Variants in MTF1 observed in about 807,000 individuals in gnomAD.
MTF1 encodes the protein metal regulatory transcription factor 1, also known as MRE-binding transcription factor.
In MTF1, 22 loss-of-function variants were observed where a neutral mutation model predicts 70.4. The observed-to-expected ratio is 0.31, with a 90% CI of 0.22 to 0.45. The LOEUF (loss-of-function observed/expected upper bound fraction) is 0.45, where lower values mean the gene tolerates loss of function less well. MTF1 is among the 20% of genes least tolerant of loss of function. The pLI is 1.00. For missense variants in MTF1, 649 were observed against 922.0 expected, an observed-to-expected ratio of 0.70 and a Z score of 3.83; for synonymous variants, 333 against 352.8, an observed-to-expected ratio of 0.94 and a Z score of 0.63.
intron 2 of MTF1, 113 bp downstream of exon 2, chr1:37,857,138 A>G: frequency 1.9e-6 from 2 of 1,035,698 alleles, no homozygotes; most frequent in African/African-American, 3.2e-5. Flanking sequence ...TAGCAAAACT[A>G]CTTAAGTCCT....
chr1:37,834,831 T>C (rs1367528367), intron 6 of MTF1, among the ~76,000 whole-genome samples: 2 of 152,212 alleles, frequency 1.3e-5, no homozygotes, highest in Non-Finnish European at 2.9e-5. Context: ...GAGCCGCCAT[T>C]TACCAAGACG....
At chr1:37,839,657 T>C (rs754072459) in intron 3 of MTF1, among the ~76,000 whole-genome samples, 2 of 152,214 alleles carry the variant, frequency 1.3e-5, no homozygotes, top group Non-Finnish European at 2.9e-5. Flanking sequence ...CTCCATGAGA[T>C]GCAAATCTAA....
chr1:37,838,520 A>C, intron 4 of MTF1, 105 bp downstream of exon 4: 1 of 955,528 alleles, frequency 1.0e-6, no homozygotes, highest in Non-Finnish European at 1.5e-6. Flanking sequence ...TGCTAAATCA[A>C]GAGCTAGTAA....
At chr1:37,831,323 G>T (rs921445108) in intron 7 of MTF1, among the ~76,000 whole-genome samples, 10 of 152,296 alleles carry the variant, frequency 6.6e-5, no homozygotes, top group East Asian at 1.9e-4. Context: ...AGCAGGCTTG[G>T]GGGGAGGCCC....
Position 37,857,429 on chromosome 1 carries a change from C to T in MTF1, c.230G>A (p.Gly77Asp), listed in dbSNP as rs780341111. The T allele has an allele frequency of 8.7e-6, 14 of 1,614,076 alleles. No homozygotes were observed. Among genetic ancestry groups the T allele is most frequent in the Middle Eastern group, 3.3e-4 (2 of 6,084 alleles). Reference protein sequence around the residue: ...CGEHLPFLVGGEEGFHLIDHE... With the variant: ...CGEHLPFLVGDEEGFHLIDHE... Reference sequence around the variant, plus strand: ...ATCTATCAGGTGAAAGCCCTCTTCACCCCCTACTAGAAAAGGCAAGTGTTC... The same window carrying T: ...ATCTATCAGGTGAAAGCCCTCTTCATCCCCTACTAGAAAAGGCAAGTGTTC... Residue 77 changes from glycine (G) to aspartate (D), a missense_variant, in exon 2 of 11, where the codon GGT becomes GAT. By Grantham distance (94) the Gly-to-Asp change is moderately conservative. Transcript: ENST00000373036.
chr1:37,845,647 G>C (rs1265809236), intron 2 of MTF1, among the ~76,000 whole-genome samples: 1 of 152,104 alleles, frequency 6.6e-6, no homozygotes, highest in African/African-American at 2.4e-5. Flanking sequence ...TGGGACTATA[G>C]GTATGTACCA....
chr1:37,834,272 G>A (rs1641130048), intron 6 of MTF1, among the ~76,000 whole-genome samples: 2 of 152,008 alleles, frequency 1.3e-5, no homozygotes, highest in South Asian at 4.2e-4. Context: ...GAAGCAACCA[G>A]GCCAGAATGT....
At chr1:37,845,693 T>TG (rs1641321669) in intron 2 of MTF1, among the ~76,000 whole-genome samples, 2 of 152,086 alleles carry the variant, frequency 1.3e-5, no homozygotes, top group African/African-American at 4.8e-5. Context: ...TTTGTAGAGA[T>TG]GGGGTCTCAC....
Position 37,857,631 on chromosome 1 carries a change from T to C in MTF1, c.28A>G (p.Ile10Val). 6.2e-7 allele frequency: 1 copy of C among 1,613,968 alleles called. No individual in the cohort carries two copies. Among genetic ancestry groups the C allele is most frequent in the Non-Finnish European group, 8.5e-7 (1 of 1,180,006 alleles). Residue 10 changes from isoleucine to valine, a missense_variant, in exon 2 of 11, where the codon ATC becomes GTC. By Grantham distance (29) the Ile-to-Val change is conservative. Transcript: ENST00000373036. MGEHSPDNN[I>V]IYFEAEEDEL... ...TCTTCCTCTGCCTCAAAGTAGATGA[T>C]GTTGTTGTCTGGACTGTGTTCCCCC...
rs1239750561 is a variant in MTF1 at position 37,809,976 on chromosome 1, T to A, written c.*5160A>T. 6.6e-6 allele frequency: 1 copy of A among 152,556 alleles called. No homozygotes were observed. The highest frequency in any genetic ancestry group is 2.4e-5 in the African/African-American group (1 of 41,448). 9.5% of individuals were successfully genotyped at this position (152,556 alleles called of 1,614,324 possible). A position where few individuals can be genotyped will look rare whatever the true frequency, so the allele number is the denominator to read the frequency against. ...TCTTGCCTTTCCTGGCTAGAAGATCTGAGCCAGAAATTCAGCAAAAATCTG... is the reference window on the plus strand; with the variant it reads ...TCTTGCCTTTCCTGGCTAGAAGATCAGAGCCAGAAATTCAGCAAAAATCTG... On this transcript the variant is annotated 3_prime_UTR_variant, in exon 11 of 11. Transcript: ENST00000373036.
At chr1:37,842,365 T>C (rs995386757) in intron 2 of MTF1, among the ~76,000 whole-genome samples, 8 of 152,262 alleles carry the variant, frequency 5.3e-5, no homozygotes, top group Non-Finnish European at 1.2e-4. Flanking sequence ...TTTCCATCAA[T>C]GCCCATGTAT....
chr1:37,845,136 G>A (rs960052489), intron 2 of MTF1, among the ~76,000 whole-genome samples: 6 of 152,198 alleles, frequency 3.9e-5, no homozygotes, highest in Non-Finnish European at 7.3e-5. Flanking sequence ...GTGGAGAAGT[G>A]GCGCTTGATT....
At chr1:37,822,994 C>T (rs1011418715) in intron 8 of MTF1, among the ~76,000 whole-genome samples, 1 of 152,132 alleles carries the variant, frequency 6.6e-6, no homozygotes, top group Non-Finnish European at 1.5e-5. Flanking sequence ...ACTAAACATC[C>T]TTTTTTTGAC....
intron 7 of MTF1, among the ~76,000 whole-genome samples, chr1:37,828,634 T>C (rs1641040078): frequency 6.6e-6 from 1 of 152,176 alleles, no homozygotes; most frequent in Non-Finnish European, 1.5e-5. Flanking sequence ...GGGGTGCTGG[T>C]TACATGGGTG....
Position 37,814,792 on chromosome 1 carries a change from A to C in MTF1, c.*344T>G, listed in dbSNP as rs149640687. Reference sequence around the variant, plus strand: ...CCCAGTGCAAGCGATGGGCAGCATCAGATTGATGGAAACCACACCCTTTCA... The same window carrying C: ...CCCAGTGCAAGCGATGGGCAGCATCCGATTGATGGAAACCACACCCTTTCA... On this transcript the variant is annotated 3_prime_UTR_variant, in exon 11 of 11. Coordinates refer to ENST00000373036, the MANE Select transcript of MTF1 (RefSeq NM_005955.3). 2.9e-3 allele frequency: 718 copies of C among 244,622 alleles called. 6 individuals are homozygous for C. Among genetic ancestry groups the C allele is most frequent in the African/African-American group, 0.014 (629 of 43,776 alleles). 15.2% of individuals were successfully genotyped at this position (244,622 alleles called of 1,614,324 possible).
At chr1:37,846,657 T>C (rs754227861) in intron 2 of MTF1, among the ~76,000 whole-genome samples, 2 of 151,806 alleles carry the variant, frequency 1.3e-5, no homozygotes, top group Non-Finnish European at 2.9e-5. Flanking sequence ...CTTGTTAAGA[T>C]AACAGAATCA....
chr1:37,840,272 T>A lies in MTF1; in HGVS notation c.409-114A>T. 1 of 934,188 alleles carries A rather than the reference T, an allele frequency of 1.1e-6. No individual in the cohort carries two copies. Among genetic ancestry groups the A allele is most frequent in the Admixed American group, 2.3e-5 (1 of 43,900 alleles). The allele number at this position is 934,188 out of a possible 1,614,324, so 57.9% of individuals were successfully genotyped here. ...TGTGGACAATACAACTGGGTTTTCATCATAAACACAGAAAACAGCCTCTAG... is the reference window on the plus strand; with the variant it reads ...TGTGGACAATACAACTGGGTTTTCAACATAAACACAGAAAACAGCCTCTAG... On this transcript the variant is annotated intron_variant, in intron 2 of 10. Coordinates refer to ENST00000373036, the MANE Select transcript of MTF1 (RefSeq NM_005955.3). The surrounding 1 kb of genome is among the most constrained non-coding windows in gnomAD (Gnocchi z 4.5).
At chr1:37,822,820 A>C (rs899176035) in intron 8 of MTF1, 104 bp from the exon 9 acceptor site, 1 of 749,334 alleles carries the variant, frequency 1.3e-6, no homozygotes, top group African/African-American at 1.8e-5. Context: ...AAGTCCACTG[A>C]GCTGATCTCT....
At position 37,817,407 on chromosome 1, in the gene MTF1, G is replaced by A; in HGVS notation, c.1831+12C>T. On this transcript the variant is annotated intron_variant, in intron 10 of 10. Transcript: ENST00000373036. ...AGTTGCCTTCTCTTAAGGCTAACAT[G>A]GAATTACATACCTGGGCTACTGGCT... 6.3e-7 allele frequency: 1 copy of A among 1,575,234 alleles called. No homozygotes were observed. The highest frequency in any genetic ancestry group is 1.1e-5 in the South Asian group (1 of 90,248).
Sources: gnomAD v4.1 joint callset for allele counts (sites outside exome capture counted in the v4.1 genomes callset) on GRCh38, gnomAD v4.1.1 for gene constraint, Gnocchi (gnomAD v3.1) non-coding constraint, MANE v1.5 for transcripts, NCBI Gene and HGNC (gene_info 2026-07-23, HGNC 2026-07-21) for gene names.